HMMR: variants seen among roughly 807,000 people sequenced by gnomAD.
The protein encoded by HMMR is intracellular hyaluronic acid-binding protein.
In HMMR, 108 loss-of-function variants were observed where a neutral mutation model predicts 101.0. The observed-to-expected ratio is 1.07, with a 90% CI of 0.92 to 1.25. HMMR has a LOEUF of 1.25. Ranked by LOEUF, HMMR falls within the 50% of genes most tolerant of loss-of-function variation. HMMR has a pLI of 0.00. For missense variants in HMMR, 813 were observed against 788.7 expected (o/e 1.03, Z -0.37); for synonymous variants, 296 against 276.4 (o/e 1.07, Z -0.70).
chr5:163,463,997 A>C (rs1758622547), intron 2 of HMMR, 43 bp downstream of exon 2: 1 of 611,626 alleles, frequency 1.6e-6, no homozygotes. Context: ...TGATCTTATA[A>C]GTTTTAAAGT....
intron 10 of HMMR, chr5:163,474,466 C>A (rs1759005132): frequency 2.1e-6 from 1 of 476,790 alleles, no homozygotes; most frequent in Non-Finnish European, 4.0e-6. Context: ...CTGGCTCATT[C>A]TTGTGTTATT....
At position 163,470,751 on chromosome 5, in the gene HMMR, G is replaced by T. The variant is rs148604844; in HGVS notation, c.463-434G>T. 2.1e-3 allele frequency among the ~76,000 whole-genome samples: 322 copies of T among 152,298 alleles called. 2 individuals are homozygous for T. Among genetic ancestry groups the T allele is most frequent in the African/African-American group, 7.4e-3 (306 of 41,566 alleles). Reference sequence around the variant, plus strand: ...TGCCTGTATTTCCAGCATTTTGGAAGGCTGAGGGCTGGAGAATTGCTTGAG... The same window carrying T: ...TGCCTGTATTTCCAGCATTTTGGAATGCTGAGGGCTGGAGAATTGCTTGAG... On this transcript the variant is annotated intron_variant, in intron 5 of 17. Transcript: ENST00000393915.
chr5:163,465,696 C>T (rs1006289390), intron 3 of HMMR, among the ~76,000 whole-genome samples: 1 of 152,046 alleles, frequency 6.6e-6, no homozygotes, highest in African/African-American at 2.4e-5. Flanking sequence ...CAGTGGTTCA[C>T]GCCTATAATC....
At chr5:163,476,861 C>G (rs1256266993) in intron 11 of HMMR, among the ~76,000 whole-genome samples, 1 of 152,084 alleles carries the variant, frequency 6.6e-6, no homozygotes, top group Non-Finnish European at 1.5e-5. Flanking sequence ...AACCCCATCT[C>G]TACTAAAAAT....
chr5:163,482,917 T>C (rs542634526), intron 13 of HMMR, 103 bp from the exon 14 acceptor site: 4 of 1,331,338 alleles, frequency 3.0e-6, no homozygotes, highest in Non-Finnish European at 3.1e-6. Flanking sequence ...AGTTAAAAAA[T>C]GACACTTCTT....
At chr5:163,482,016 A>G (rs904140423) in intron 12 of HMMR, among the ~76,000 whole-genome samples, 1 of 152,232 alleles carries the variant, frequency 6.6e-6, no homozygotes, top group East Asian at 1.9e-4. Flanking sequence ...CCCAGGTTCA[A>G]GTGATTCTCC....
intron 16 of HMMR, among the ~76,000 whole-genome samples, chr5:163,485,958 G>A (rs1027509408): frequency 3.9e-5 from 6 of 152,162 alleles, no homozygotes; most frequent in African/African-American, 1.4e-4. Flanking sequence ...CATTTAGACT[G>A]TACATGTATG....
chr5:163,483,882 G>T (rs571586737), intron 15 of HMMR, among the ~76,000 whole-genome samples, 187 bp from the exon 16 acceptor site: 1 of 152,008 alleles, frequency 6.6e-6, no homozygotes, highest in African/African-American at 2.4e-5. Flanking sequence ...CTGTTTTAAT[G>T]ATCTTTAAAA....
Position 163,482,644 on chromosome 5 carries a change from AT to A in HMMR, c.1389del (p.Tyr463Ter), listed in dbSNP as rs777350049. 20 of 1,607,436 alleles carry A rather than the reference AT, an allele frequency of 1.2e-5. No individual in the cohort carries two copies. In the African/African-American group the frequency reaches 2.5e-4, roughly 20 times the overall value. On this transcript the variant is annotated frameshift_variant, in exon 13 of 18. Coordinates refer to ENST00000393915, the MANE Select transcript of HMMR (RefSeq NM_001142556.2). LOFTEE classifies it high-confidence loss of function. ...GACTTTTTTTTCTTTTTAATAAGCT[AT>A]AAAGCGTTAACAGCCAGTGAGATAG... ...LEDVTAQFES[Y>X]KALTASEIED...
At chr5:163,468,414 A>G (rs1014839823) in intron 4 of HMMR, among the ~76,000 whole-genome samples, 1 of 152,178 alleles carries the variant, frequency 6.6e-6, no homozygotes, top group African/African-American at 2.4e-5. Context: ...GAACCCATTT[A>G]CTTTCCTAGC....
At chr5:163,475,318 C>A in intron 10 of HMMR, 140 bp from the exon 11 acceptor site, 1 of 477,804 alleles carries the variant, frequency 2.1e-6, no homozygotes, top group Non-Finnish European at 3.7e-6. Context: ...AACAAATATG[C>A]TATTTCTATA....
chr5:163,482,040 C>G (rs749744294), intron 12 of HMMR, among the ~76,000 whole-genome samples: 2 of 152,134 alleles, frequency 1.3e-5, no homozygotes, highest in Non-Finnish European at 2.9e-5. Context: ...CTCAGCCTCC[C>G]GAGTAGCTGA....
intron 4 of HMMR, 74 bp downstream of exon 4, chr5:163,467,822 T>A (rs1758750043): frequency 2.0e-6 from 2 of 977,464 alleles, no homozygotes; most frequent in Admixed American, 3.8e-5. Context: ...GAGATAAGGA[T>A]TCTGTTGCAG....
At position 163,463,872 on chromosome 5, in the gene HMMR, A is replaced by T. The variant is rs1314198344; in HGVS notation, c.63A>T (p.Pro21=). 2 of 1,460,252 alleles carry T rather than the reference A, an allele frequency of 1.4e-6. No homozygotes were observed. The highest frequency in any genetic ancestry group is 5.1e-5 in the Admixed American group (2 of 38,932). 90.5% of individuals were successfully genotyped at this position (1,460,252 alleles called of 1,614,324 possible). The part of the protein sequence containing the change: ...FNDPSGCAPS[P]GAYDVKTLEV... ...TTCCTCTAGGTTGTGCACCATCTCC[A>T]GGTGCTTATGATGTTAAAACTTTAG... Residue 21 remains proline, a synonymous_variant, in exon 2 of 18, where the codon CCA becomes CCT. Coordinates refer to ENST00000393915, the MANE Select transcript of HMMR (RefSeq NM_001142556.2).
At position 163,475,694 on chromosome 5, in the gene HMMR, T is replaced by C. The variant is rs757489992; in HGVS notation, c.1268+22T>C. Reference sequence around the variant, plus strand: ...AAGGGTTTGTATTAATAGGATCTCATGTTTATGTATGACTTCAGATGTATT... The same window carrying C: ...AAGGGTTTGTATTAATAGGATCTCACGTTTATGTATGACTTCAGATGTATT... On this transcript the variant is annotated intron_variant, in intron 11 of 17. Transcript: ENST00000393915. The C allele has an allele frequency of 5.5e-6, 7 of 1,274,738 alleles. No homozygotes were observed. The African/African-American group carries it at 7.4e-5, about 14-fold the overall frequency. 79.0% of individuals were successfully genotyped at this position (1,274,738 alleles called of 1,614,324 possible).
At chr5:163,490,290 A>G in intron 16 of HMMR, 100 bp from the exon 17 acceptor site, 1 of 715,638 alleles carries the variant, frequency 1.4e-6, no homozygotes, top group Non-Finnish European at 2.3e-6. Context: ...GAGTGTGATA[A>G]TACATAAACA....
chr5:163,491,923 CAG>C lies in HMMR; in HGVS notation c.*760_*761del, dbSNP rs1003006469. On this transcript the variant is annotated 3_prime_UTR_variant, in exon 18 of 18. Transcript: ENST00000393915. Reference sequence around the variant, plus strand: ...TTGTGTAATATGAAATAAAATTACACAGTAAGTCATTTAACCAATTAATTTTT... The same window carrying C: ...TTGTGTAATATGAAATAAAATTACACTAAGTCATTTAACCAATTAATTTTT... 2 of 152,290 alleles carry C rather than the reference CAG, an allele frequency of 1.3e-5. No homozygotes were observed. Among genetic ancestry groups the C allele is most frequent in the Admixed American group, 6.5e-5 (1 of 15,302 alleles). 9.4% of individuals were successfully genotyped at this position (152,290 alleles called of 1,614,324 possible). A position where few individuals can be genotyped will look rare whatever the true frequency, so the allele number is the denominator to read the frequency against.
At chr5:163,470,669 C>G (rs970965632) in intron 5 of HMMR, among the ~76,000 whole-genome samples, 5 of 151,966 alleles carry the variant, frequency 3.3e-5, no homozygotes, top group African/African-American at 1.2e-4. Flanking sequence ...AAAAATAAAC[C>G]AGCAAGTCAC....
Position 163,490,389 on chromosome 5 carries a change from G to A in HMMR, c.1963-1G>A, listed in dbSNP as rs1357670885. On this transcript the variant is annotated splice_acceptor_variant, in intron 16 of 17. Coordinates refer to ENST00000393915, the MANE Select transcript of HMMR (RefSeq NM_001142556.2). LOFTEE classifies it high-confidence loss of function. ...ATTACCTATTATTTCTTTTTACCTA[G>A]GAAGTATCAAAACTCCGCTGTCAGC... 4 of 1,547,400 alleles carry A rather than the reference G, an allele frequency of 2.6e-6. No individual in the cohort carries two copies. The highest frequency in any genetic ancestry group is 2.6e-6 in the Non-Finnish European group (3 of 1,139,718).
Sources: allele counts gnomAD v4.1 joint callset (sites outside exome capture counted in the v4.1 genomes callset), GRCh38; gene constraint gnomAD v4.1.1; transcripts MANE v1.5; gene names NCBI Gene and HGNC (gene_info 2026-07-23, HGNC 2026-07-21).